Variants in PLPP1 observed in about 807,000 individuals in gnomAD.
PLPP1 encodes phospholipid phosphatase 1.
Under a neutral mutation model 31.2 loss-of-function variants are expected in PLPP1, and 24 were observed. The observed-to-expected ratio is 0.77, with a 90% CI of 0.56 to 1.08. The LOEUF (loss-of-function observed/expected upper bound fraction) is 1.08. PLPP1 is among the 50% of genes least tolerant of loss of function. PLPP1 has a pLI of 0.00. For synonymous variants in PLPP1, 146 were observed against 126.3 expected (o/e 1.16, Z -1.05); for missense variants, 319 against 342.7 (o/e 0.93, Z 0.55).
At chr5:55,474,216 C>T (rs556698832) in intron 2 of PLPP1, among the ~76,000 whole-genome samples, 3 of 151,430 alleles carry the variant, frequency 2.0e-5, no homozygotes, top group African/African-American at 4.9e-5. Flanking sequence ...AGGCTGGTCT[C>T]GAACTCCTGA....
intron 3 of PLPP1, among the ~76,000 whole-genome samples, chr5:55,457,537 T>A (rs1752044116): frequency 6.6e-6 from 1 of 152,106 alleles, no homozygotes; most frequent in African/African-American, 2.4e-5. Flanking sequence ...ATAAGAAATA[T>A]CACAAGAAAA....
intron 1 of PLPP1, among the ~76,000 whole-genome samples, chr5:55,511,988 G>A (rs1225276690): frequency 6.6e-6 from 1 of 151,660 alleles, no homozygotes; most frequent in Non-Finnish European, 1.5e-5. Flanking sequence ...AGCTGGGCGT[G>A]GTGGCAGGTG....
At chr5:55,529,141 C>T (rs1347599564) in intron 1 of PLPP1, among the ~76,000 whole-genome samples, 3 of 151,838 alleles carry the variant, frequency 2.0e-5, no homozygotes, top group Admixed American at 1.3e-4. Context: ...TGGTTATACA[C>T]AAAATTTTAA....
rs779260817 is a variant in PLPP1, at chr5:55,534,638, C to T, written c.-9G>A. The T allele has an allele frequency of 1.9e-5, 29 of 1,544,190 alleles. No individual in the cohort carries two copies. Among genetic ancestry groups the T allele is most frequent in the Non-Finnish European group, 2.4e-5 (27 of 1,146,946 alleles). ...CGCGTCTTGTCAAACATGGTCTCTG[C>T]CCGGGCTGCCCGGCAAGGGCGATGG... On this transcript the variant is annotated 5_prime_UTR_variant, in exon 1 of 6. Transcript: ENST00000307259.
At chr5:55,507,661 G>A (rs145136724) in intron 1 of PLPP1, among the ~76,000 whole-genome samples, 28 of 152,218 alleles carry the variant, frequency 1.8e-4, no homozygotes, top group African/African-American at 5.3e-4. Context: ...GAGGAAACCT[G>A]CCCAAAGCCA....
chr5:55,533,147 G>A (rs547088256), intron 1 of PLPP1, among the ~76,000 whole-genome samples: 3 of 152,040 alleles, frequency 2.0e-5, no homozygotes, highest in East Asian at 3.9e-4. Flanking sequence ...ACTTTGGGAG[G>A]CTGAGACAGG....
At position 55,425,147 on chromosome 5, in the gene PLPP1, TG is replaced by T; in HGVS notation, c.*58del. On this transcript the variant is annotated 3_prime_UTR_variant, in exon 6 of 6. Transcript: ENST00000307259. ...GGAAGAAAGATGCATCCTCTTGCCT[TG>T]TGGCAATCATTTTCCTTTAGAAAAC... 6.4e-7 allele frequency: 1 copy of T among 1,567,518 alleles called. No individual in the cohort carries two copies. Among genetic ancestry groups the T allele is most frequent in the Non-Finnish European group, 8.6e-7 (1 of 1,156,886 alleles).
chr5:55,441,962 T>G (rs1048337519), intron 3 of PLPP1, 54 bp from the exon 4 acceptor site: 5 of 1,539,712 alleles, frequency 3.2e-6, no homozygotes, highest in Non-Finnish European at 4.5e-6. Context: ...CCAAAAGTAT[T>G]GTTGATTTCA....
chr5:55,466,149 G>T (rs1336802155), intron 3 of PLPP1, among the ~76,000 whole-genome samples: 2 of 152,088 alleles, frequency 1.3e-5, no homozygotes, highest in Non-Finnish European at 2.9e-5. Flanking sequence ...CCTTCATTAA[G>T]ACTTTACACC....
At chr5:55,455,291 A>G (rs1173471653) in intron 3 of PLPP1, among the ~76,000 whole-genome samples, 1 of 152,196 alleles carries the variant, frequency 6.6e-6, no homozygotes, top group South Asian at 2.1e-4. Context: ...GTACTATCAC[A>G]AATAGACCAG....
intron 1 of PLPP1, among the ~76,000 whole-genome samples, chr5:55,487,225 T>C (rs940818905): frequency 5.3e-5 from 8 of 152,288 alleles, no homozygotes; most frequent in Admixed American, 2.6e-4. Flanking sequence ...TTGCAACATA[T>C]GGATTTGAGA....
chr5:55,508,157 C>T (rs1336873020), intron 1 of PLPP1, among the ~76,000 whole-genome samples: 1 of 152,176 alleles, frequency 6.6e-6, no homozygotes, highest in Admixed American at 6.5e-5. Context: ...CATGCCTGGT[C>T]TAATAATTCT....
intron 5 of PLPP1, 92 bp from the exon 6 acceptor site, chr5:55,425,426 C>G: frequency 8.3e-7 from 1 of 1,204,984 alleles, no homozygotes; most frequent in Non-Finnish European, 1.2e-6. Context: ...TAAATATAAA[C>G]AAAAGGATAT....
chr5:55,468,347 A>AGG (rs1752349657), intron 2 of PLPP1, 198 bp from the exon 3 acceptor site: 3 of 496,544 alleles, frequency 6.0e-6, no homozygotes, highest in African/African-American at 5.8e-5. Context: ...TGTCATATCA[A>AGG]TGGTGGACAT....
intron 2 of PLPP1, among the ~76,000 whole-genome samples, chr5:55,472,654 G>A (rs1561236423): frequency 2.7e-5 from 1 of 36,962 alleles, no homozygotes; most frequent in African/African-American, 6.0e-5. Context: ...GAGAAAGAAA[G>A]AAAGAGAGAG....
At chr5:55,493,766 A>G (rs1292298267) in intron 1 of PLPP1, among the ~76,000 whole-genome samples, 2 of 151,828 alleles carry the variant, frequency 1.3e-5, no homozygotes, top group Admixed American at 1.3e-4. Context: ...TGTAGTCCCA[A>G]CTACTTGGAA....
intron 1 of PLPP1, among the ~76,000 whole-genome samples, chr5:55,512,140 G>A (rs987736600): frequency 6.6e-6 from 1 of 151,346 alleles, no homozygotes; most frequent in Non-Finnish European, 1.5e-5. Flanking sequence ...AAAATAAAAA[G>A]GAAAAAAAGA....
chr5:55,518,698 T>C (rs919814890), intron 1 of PLPP1, among the ~76,000 whole-genome samples: 4 of 152,224 alleles, frequency 2.6e-5, no homozygotes, highest in African/African-American at 9.6e-5. Flanking sequence ...ACAAGTCCAC[T>C]GCAGTTGCTC....
intron 1 of PLPP1, among the ~76,000 whole-genome samples, chr5:55,510,967 T>G (rs1253457322): frequency 6.6e-6 from 1 of 152,230 alleles, no homozygotes; most frequent in Non-Finnish European, 1.5e-5. Flanking sequence ...CTGATCTTTC[T>G]TCCCTGCCTA....
Sources: gnomAD v4.1 joint callset for allele counts (sites outside exome capture counted in the v4.1 genomes callset) on GRCh38, gnomAD v4.1.1 for gene constraint, MANE v1.5 for transcripts, NCBI Gene and HGNC (gene_info 2026-07-23, HGNC 2026-07-21) for gene names.